Variants in KIAA1217 observed in about 807,000 individuals in gnomAD.
The protein encoded by KIAA1217 is sickle tail protein homolog.
A neutral mutation model predicts 163.9 loss-of-function variants in KIAA1217; 88 were observed. The observed-to-expected ratio is 0.54, with a 90% confidence interval of 0.45 to 0.64. The LOEUF (loss-of-function observed/expected upper bound fraction) is 0.64. KIAA1217 is among the 30% of genes least tolerant of loss of function. KIAA1217 has a pLI of 0.00. For synonymous variants in KIAA1217, 903 were observed against 923.1 expected, an observed-to-expected ratio of 0.98 and a Z score of 0.39; for missense variants, 2,372 against 2,475.0, an observed-to-expected ratio of 0.96 and a Z score of 0.88.
intron 2 of KIAA1217, among the ~76,000 whole-genome samples, chr10:24,118,069 A>C (rs187915157): frequency 1.3e-5 from 2 of 152,110 alleles, no homozygotes; most frequent in Non-Finnish European, 2.9e-5. Context: ...CGGGGTGACC[A>C]AATCATCTGT....
chr10:23,818,475 T>C (rs1837470902), intron 1 of KIAA1217, among the ~76,000 whole-genome samples: 1 of 151,380 alleles, frequency 6.6e-6, no homozygotes, highest in Admixed American at 6.6e-5. Flanking sequence ...ACATTTTGAG[T>C]AACTCATATT....
chr10:24,322,766 A>G (rs904890825), intron 2 of KIAA1217, among the ~76,000 whole-genome samples: 2 of 152,136 alleles, frequency 1.3e-5, no homozygotes, highest in East Asian at 3.9e-4. Flanking sequence ...CTGAATCCTG[A>G]AGATGGTGGA....
intron 2 of KIAA1217, among the ~76,000 whole-genome samples, chr10:24,119,607 C>T (rs904098318): frequency 6.6e-6 from 1 of 152,152 alleles, no homozygotes; most frequent in Non-Finnish European, 1.5e-5. Flanking sequence ...GCTGATCTAG[C>T]TGTATGTGGT....
chr10:24,138,766 A>G (rs2063935670), intron 2 of KIAA1217, among the ~76,000 whole-genome samples: 1 of 152,174 alleles, frequency 6.6e-6, no homozygotes, highest in Admixed American at 6.5e-5. Context: ...TACATTCTTA[A>G]GAATCTTCAC....
chr10:24,246,691 C>T (rs1378633978), intron 2 of KIAA1217, among the ~76,000 whole-genome samples: 1 of 152,114 alleles, frequency 6.6e-6, no homozygotes, highest in East Asian at 1.9e-4. Context: ...TTGGTTCTTG[C>T]TTTTCTAAAC....
At chr10:23,783,507 A>G (rs1455541730) in intron 1 of KIAA1217, among the ~76,000 whole-genome samples, 1 of 152,158 alleles carries the variant, frequency 6.6e-6, no homozygotes, top group East Asian at 1.9e-4. Context: ...TATAAGAGAT[A>G]TTGACTTATA....
chr10:23,851,583 G>A (rs1008279843), intron 1 of KIAA1217, among the ~76,000 whole-genome samples: 11 of 152,190 alleles, frequency 7.2e-5, no homozygotes, highest in African/African-American at 1.9e-4. Flanking sequence ...CTGAGGAATC[G>A]CCACACTGAC....
chr10:23,986,423 G>A (rs772259093), intron 1 of KIAA1217, among the ~76,000 whole-genome samples: 2 of 152,186 alleles, frequency 1.3e-5, no homozygotes, highest in Non-Finnish European at 2.9e-5. Flanking sequence ...ATATAAAATG[G>A]TGTAGTATTT....
chr10:23,987,183 C>T (rs745783250), intron 1 of KIAA1217, among the ~76,000 whole-genome samples: 9 of 151,768 alleles, frequency 5.9e-5, no homozygotes, highest in Admixed American at 2.6e-4. Flanking sequence ...CGAGACCATC[C>T]GGGCTAACAT....
intron 1 of KIAA1217, among the ~76,000 whole-genome samples, chr10:23,875,195 ATTT>A (rs34799226): frequency 0.17 from 26,365 of 151,844 alleles, 2,396 homozygotes; most frequent in Middle Eastern, 0.21. Context: ...TGAAGATCAC[ATTT>A]TAACATGAGA....
At chr10:23,709,581 C>A (rs1770810420) in intron 1 of KIAA1217, among the ~76,000 whole-genome samples, 1 of 151,862 alleles carries the variant, frequency 6.6e-6, no homozygotes, top group South Asian at 2.1e-4. Flanking sequence ...CATCCGAATG[C>A]CCCTCCTTCT....
At chr10:24,170,446 T>A (rs2065573053) in intron 2 of KIAA1217, among the ~76,000 whole-genome samples, 1 of 152,214 alleles carries the variant, frequency 6.6e-6, no homozygotes, top group African/African-American at 2.4e-5. Flanking sequence ...GTTTGGGAAC[T>A]TCATTATTTT....
chr10:23,793,100 A>C (rs1836034061), intron 1 of KIAA1217, among the ~76,000 whole-genome samples: 2 of 152,030 alleles, frequency 1.3e-5, no homozygotes, highest in Non-Finnish European at 2.9e-5. Context: ...AGACCGTGTC[A>C]CAGAAGAAAT....
chr10:24,080,559 C>T (rs75486823), intron 2 of KIAA1217, among the ~76,000 whole-genome samples: 1 of 152,090 alleles, frequency 6.6e-6, no homozygotes, highest in African/African-American at 2.4e-5. Flanking sequence ...AATAAAACCT[C>T]ACTAATTAAC....
chr10:23,847,219 G>A (rs1194340838), intron 1 of KIAA1217, among the ~76,000 whole-genome samples: 1 of 152,126 alleles, frequency 6.6e-6, no homozygotes, highest in African/African-American at 2.4e-5. Context: ...GTCTCTGTCA[G>A]GTTTTGGTAA....
chr10:24,344,379 A>G (rs2047469733), intron 2 of KIAA1217, among the ~76,000 whole-genome samples: 1 of 152,202 alleles, frequency 6.6e-6, no homozygotes, highest in Non-Finnish European at 1.5e-5. Flanking sequence ...CACATCGAAT[A>G]GAGTTACCAG....
chr10:24,100,367 G>A (rs2062364751), intron 2 of KIAA1217, among the ~76,000 whole-genome samples: 7 of 152,186 alleles, frequency 4.6e-5, no homozygotes. Context: ...TCGGTATGAA[G>A]CCCAGGAGAT....
chr10:23,779,349 T>C (rs764778640), intron 1 of KIAA1217, among the ~76,000 whole-genome samples: 14 of 152,166 alleles, frequency 9.2e-5, no homozygotes, highest in African/African-American at 1.4e-4. Context: ...TTCTTCATCG[T>C]CTCCCTTTGT....
intron 2 of KIAA1217, among the ~76,000 whole-genome samples, chr10:24,367,602 C>A (rs1264303508): frequency 6.6e-6 from 1 of 152,196 alleles, no homozygotes; most frequent in Non-Finnish European, 1.5e-5. Context: ...AAAACAGAAG[C>A]CTGAATCATT....
Sources: allele counts gnomAD v4.1 joint callset (sites outside exome capture counted in the v4.1 genomes callset), GRCh38; gene constraint gnomAD v4.1.1; transcripts MANE v1.5; gene names NCBI Gene and HGNC (gene_info 2026-07-23, HGNC 2026-07-21).